Variants in ADAMTS6 observed in about 807,000 individuals in gnomAD.
ADAMTS6 encodes the protein ADAM metallopeptidase with thrombospondin type 1 motif 6, also known as A disintegrin and metalloproteinase with thrombospondin motifs 6.
A neutral mutation model predicts 144.3 loss-of-function variants in ADAMTS6; 23 were observed. The ratio of observed to expected loss-of-function variants is 0.16; its 90% CI spans 0.11 to 0.23. The LOEUF (loss-of-function observed/expected upper bound fraction) is 0.23, where lower values mean the gene tolerates loss of function less well. Among genes scored for constraint, ADAMTS6 ranks in the 10% least tolerant of loss-of-function variants. The probability of loss-of-function intolerance (pLI) is 1.00; values close to 1 mark genes in which losing one functional copy is unlikely to be tolerated. For synonymous variants in ADAMTS6, 444 were observed against 457.5 expected (o/e 0.97, Z 0.38); for missense variants, 999 against 1,379.6 (o/e 0.72, Z 4.37).
chr5:65,386,392 G>A (rs1269074560), intron 7 of ADAMTS6, among the ~76,000 whole-genome samples: 1 of 151,932 alleles, frequency 6.6e-6, no homozygotes, highest in South Asian at 2.1e-4. Context: ...ACAAATCTTT[G>A]ATGATACATT....
intron 18 of ADAMTS6, among the ~76,000 whole-genome samples, chr5:65,219,862 A>G (rs1053446985): frequency 1.3e-5 from 2 of 152,256 alleles, no homozygotes; most frequent in African/African-American, 2.4e-5. Context: ...GGGTTGGTGC[A>G]AAAGTAATCG....
intron 12 of ADAMTS6, among the ~76,000 whole-genome samples, chr5:65,267,776 T>C (rs1761737684): frequency 6.6e-6 from 1 of 152,238 alleles, no homozygotes; most frequent in South Asian, 2.1e-4. Context: ...CAGGCAGCAT[T>C]TGGAATAAGA....
At chr5:65,454,289 G>A (rs1759008982) in intron 4 of ADAMTS6, among the ~76,000 whole-genome samples, 1 of 152,192 alleles carries the variant, frequency 6.6e-6, no homozygotes, top group Non-Finnish European at 1.5e-5. Flanking sequence ...AGCAAGAAAT[G>A]TGCTAAGTCA....
intron 9 of ADAMTS6, among the ~76,000 whole-genome samples, chr5:65,302,915 A>T (rs1255430888): frequency 6.6e-6 from 1 of 151,978 alleles, no homozygotes. Context: ...ACTCTTTTCT[A>T]AAAAAAATCA....
chr5:65,339,912 G>A (rs1442562009), intron 7 of ADAMTS6, among the ~76,000 whole-genome samples: 1 of 151,872 alleles, frequency 6.6e-6, no homozygotes, highest in Non-Finnish European at 1.5e-5. Context: ...TCCAGAAGGA[G>A]AAAAGAAGGA....
chr5:65,281,589 A>T (rs967818415), intron 11 of ADAMTS6, among the ~76,000 whole-genome samples: 1 of 152,136 alleles, frequency 6.6e-6, no homozygotes, highest in Admixed American at 6.6e-5. Context: ...GAAACAAGAC[A>T]TTTAAAAATA....
intron 7 of ADAMTS6, among the ~76,000 whole-genome samples, chr5:65,375,621 A>G (rs62370671): frequency 0.13 from 19,519 of 151,170 alleles, 1,484 homozygotes; most frequent in African/African-American, 0.2. Flanking sequence ...ACAGGGGCTG[A>G]AGAAGATGTG....
At chr5:65,416,688 C>T (rs543265401) in intron 7 of ADAMTS6, among the ~76,000 whole-genome samples, 4 of 147,696 alleles carry the variant, frequency 2.7e-5, no homozygotes, top group South Asian at 2.1e-4. Flanking sequence ...TTGCAGTGAG[C>T]GGAGATCACA....
At chr5:65,274,189 CT>C (rs1241932948) in intron 11 of ADAMTS6, among the ~76,000 whole-genome samples, 1 of 151,916 alleles carries the variant, frequency 6.6e-6, no homozygotes, top group Non-Finnish European at 1.5e-5. Flanking sequence ...ATATAAAATA[CT>C]TTTTTGTTAA....
chr5:65,351,372 T>C (rs1748827605), intron 7 of ADAMTS6, among the ~76,000 whole-genome samples: 1 of 151,002 alleles, frequency 6.6e-6, no homozygotes, highest in Non-Finnish European at 1.5e-5. Flanking sequence ...AAAATGTTTT[T>C]AAAACTTCAC....
chr5:65,465,254 G>A (rs1303639079), intron 3 of ADAMTS6, among the ~76,000 whole-genome samples: 1 of 152,000 alleles, frequency 6.6e-6, no homozygotes. Flanking sequence ...CCCTCCGATA[G>A]ACATTGCAAA....
chr5:65,259,752 C>T (rs1489614581), intron 14 of ADAMTS6, among the ~76,000 whole-genome samples: 1 of 151,942 alleles, frequency 6.6e-6, no homozygotes, highest in Non-Finnish European at 1.5e-5. Context: ...TGTTTGTTTA[C>T]AGATAGGAGA....
chr5:65,236,744 A>G (rs557559743), intron 15 of ADAMTS6, among the ~76,000 whole-genome samples: 52 of 152,340 alleles, frequency 3.4e-4, no homozygotes, highest in African/African-American at 1.2e-3. Flanking sequence ...GCTATAAAAT[A>G]TAACATCAAA....
At chr5:65,249,300 C>T (rs541566083) in intron 14 of ADAMTS6, among the ~76,000 whole-genome samples, 21 of 152,216 alleles carry the variant, frequency 1.4e-4, no homozygotes, top group African/African-American at 5.1e-4. Flanking sequence ...GGAGTATGAC[C>T]TTCCAGGGTC....
chr5:65,246,042 T>C (rs1173280836), intron 14 of ADAMTS6, among the ~76,000 whole-genome samples: 1 of 152,238 alleles, frequency 6.6e-6, no homozygotes, highest in Non-Finnish European at 1.5e-5. Context: ...ATAATCTAAT[T>C]TGCATAAGAT....
chr5:65,164,270 G>A (rs1253413338), intron 24 of ADAMTS6, among the ~76,000 whole-genome samples: 3 of 151,898 alleles, frequency 2.0e-5, no homozygotes, highest in Non-Finnish European at 2.9e-5. Context: ...AAGGGGTGAT[G>A]GACGCAGCTG....
intron 7 of ADAMTS6, among the ~76,000 whole-genome samples, chr5:65,385,898 T>C (rs1752432661): frequency 2.0e-5 from 3 of 152,184 alleles, no homozygotes; most frequent in Non-Finnish European, 4.4e-5. Context: ...AATGTGGTCA[T>C]TACAATTTAC....
intron 9 of ADAMTS6, among the ~76,000 whole-genome samples, chr5:65,311,686 T>G: frequency 6.6e-6 from 1 of 152,096 alleles, no homozygotes; most frequent in Non-Finnish European, 1.5e-5. Context: ...TAATGCATTT[T>G]GTACCACAAA....
chr5:65,429,163 C>G (rs925067725), intron 7 of ADAMTS6, among the ~76,000 whole-genome samples: 4 of 152,204 alleles, frequency 2.6e-5, no homozygotes, highest in Non-Finnish European at 4.4e-5. Context: ...CTATTAGACC[C>G]TTCTTCCAGA....
Sources: gnomAD v4.1 joint callset for allele counts (sites outside exome capture counted in the v4.1 genomes callset) on GRCh38, gnomAD v4.1.1 for gene constraint, MANE v1.5 for transcripts, NCBI Gene and HGNC (gene_info 2026-07-23, HGNC 2026-07-21) for gene names.